STX1B: variants seen among roughly 807,000 people sequenced by gnomAD.
The protein encoded by STX1B is syntaxin 1B.
A neutral mutation model predicts 39.4 loss-of-function variants in STX1B; 7 were observed. The observed-to-expected ratio is 0.18, with a 90% CI of 0.10 to 0.33. The LOEUF is 0.33. STX1B is among the 10% of genes least tolerant of loss of function. STX1B has a pLI of 1.00. For synonymous variants in STX1B, 136 were observed against 144.1 expected, an observed-to-expected ratio of 0.94 and a Z score of 0.40; for missense variants, 198 against 383.2, an observed-to-expected ratio of 0.52 and a Z score of 4.04.
rs1190682295 is a variant in STX1B, at chr16:30,991,142, T to C, written c.*1679A>G. ...CATCTTGCCTCATCAGTAACATTCC[T>C]ACAAGTAGCCCTTTCCTTCCAGGAG... On this transcript the variant is annotated 3_prime_UTR_variant, in exon 10 of 10. Transcript: ENST00000215095. The C allele has an allele frequency of 1.3e-5, 2 of 152,714 alleles. No homozygotes were observed. The highest frequency in any genetic ancestry group is 2.9e-5 in the Non-Finnish European group (2 of 68,070). 9.5% of individuals were successfully genotyped at this position (152,714 alleles called of 1,614,324 possible).
chr16:30,996,378 T>A (rs755400358), intron 7 of STX1B: 67 of 287,120 alleles, frequency 2.3e-4, no homozygotes, highest in Non-Finnish European at 4.2e-4. Context: ...AGTGATTTCA[T>A]CTCTCTGGGC....
At position 30,993,493 on chromosome 16, in the gene STX1B, AC is replaced by A; in HGVS notation, c.538-10del. 6.2e-7 allele frequency: 1 copy of A among 1,613,020 alleles called. No homozygotes were observed. The highest frequency in any genetic ancestry group is 8.5e-7 in the Non-Finnish European group (1 of 1,179,920). ...TGTGAGTCCATTTTGATCTAGGGTG[AC>A]GAGGGAGAGAGCTACAATCACCCTT... is the stretch of plus-strand genomic sequence containing the variant. On this transcript the variant is annotated splice_polypyrimidine_tract_variant and intron_variant, in intron 7 of 9. Coordinates refer to ENST00000215095, the MANE Select transcript of STX1B (RefSeq NM_052874.5).
In STX1B at chr16:30,992,647, G is replaced by A. The variant is rs191289798; in HGVS notation, c.*174C>T. 1.7e-3 allele frequency: 885 copies of A among 517,944 alleles called. 12 individuals carry two copies. Among genetic ancestry groups the A allele is most frequent in the African/African-American group, 0.015 (727 of 49,688 alleles). The allele number at this position is 517,944 out of a possible 1,614,324, so 32.1% of individuals were successfully genotyped here. Reference sequence around the variant, plus strand: ...TGCGATCTACGTGCGGGGACGGGGGGGGGGTCCATGGCCCGGTGAGGTCCA... The same window carrying A: ...TGCGATCTACGTGCGGGGACGGGGGAGGGGTCCATGGCCCGGTGAGGTCCA... On this transcript the variant is annotated 3_prime_UTR_variant, in exon 10 of 10. Transcript: ENST00000215095.
At chr16:31,005,946 C>T (rs1229602655) in intron 1 of STX1B, among the ~76,000 whole-genome samples, 1 of 151,972 alleles carries the variant, frequency 6.6e-6, no homozygotes, top group African/African-American at 2.4e-5. Context: ...GTGTGTATGT[C>T]GATGTGGAGC....
chr16:30,992,971 G>A, intron 9 of STX1B, 70 bp from the exon 10 acceptor site: 1 of 1,424,676 alleles, frequency 7.0e-7, no homozygotes, highest in Non-Finnish European at 9.9e-7. Context: ...TGCAGGGACA[G>A]ACAGGGCAGA....
rs141761005 is a variant in STX1B, at chr16:31,005,687, G to T, written c.31-4084C>A. On this transcript the variant is annotated intron_variant, in intron 1 of 9. Coordinates refer to ENST00000215095, the MANE Select transcript of STX1B (RefSeq NM_052874.5). ...ACTGGACAGATGAGGAGGTGGAGGC[G>T]CAGAGAGATTGGGTAACTTGCCCAA... Among the ~76,000 whole-genome samples the T allele has an allele frequency of 5.5e-3, 832 of 152,186 alleles. 3 individuals carry two copies. The highest frequency in any genetic ancestry group is 8.6e-3 in the Non-Finnish European group (587 of 68,006).
chr16:30,994,075 G>A (rs1456972669), intron 7 of STX1B, among the ~76,000 whole-genome samples: 2 of 151,286 alleles, frequency 1.3e-5, no homozygotes, highest in African/African-American at 4.9e-5. Context: ...GGCAGATCAC[G>A]AGGTCAGCAG....
intron 1 of STX1B, among the ~76,000 whole-genome samples, chr16:31,005,878 G>C (rs1449979392): frequency 6.6e-6 from 1 of 152,140 alleles, no homozygotes; most frequent in East Asian, 1.9e-4. Flanking sequence ...GCTGCAGCCT[G>C]ACCTCCTCAG....
chr16:31,007,071 G>A (rs532806136), intron 1 of STX1B, among the ~76,000 whole-genome samples: 5 of 152,222 alleles, frequency 3.3e-5, no homozygotes, highest in African/African-American at 1.2e-4. Context: ...TGATTGCACC[G>A]CTGCACTCCA....
chr16:31,008,074 C>T (rs372172419), intron 1 of STX1B, among the ~76,000 whole-genome samples: 1 of 152,126 alleles, frequency 6.6e-6, no homozygotes, highest in East Asian at 1.9e-4. Flanking sequence ...GGGCTAATGT[C>T]CCCTCCCACC....
chr16:31,000,920 C>T lies in STX1B; in HGVS notation c.280+8G>A. ...TTTCCTTCCTGGTTGAGGGATTGTA[C>T]TCCTCACCTTTCAATTTGGACCGAA... On this transcript the variant is annotated splice_region_variant and intron_variant, in intron 4 of 9. Transcript: ENST00000215095. 1 of 1,613,966 alleles carries T rather than the reference C, an allele frequency of 6.2e-7. No homozygotes were observed. Among genetic ancestry groups the T allele is most frequent in the Middle Eastern group, 1.6e-4 (1 of 6,062 alleles).
intron 1 of STX1B, 22 bp downstream of exon 1, chr16:31,010,345 T>TTGGGGG (rs747331323): frequency 2.7e-6 from 1 of 368,304 alleles, no homozygotes; most frequent in Admixed American, 3.8e-5. Flanking sequence ...CGCCCCCCCA[T>TTGGGGG]TCTCCCCACC....
chr16:30,996,775 C>A lies in STX1B; in HGVS notation c.464-19G>T, dbSNP rs777879527. Reference sequence around the variant, plus strand: ...CTTCCAGCTGCGGGAAGAAAGGACTCCCTGCTCGGGGGCTGGGACAGCCTG... The same window carrying A: ...CTTCCAGCTGCGGGAAGAAAGGACTACCTGCTCGGGGGCTGGGACAGCCTG... On this transcript the variant is annotated intron_variant, in intron 6 of 9. Transcript: ENST00000215095. 2 of 1,613,614 alleles carry A rather than the reference C, an allele frequency of 1.2e-6. No homozygotes were observed. Among genetic ancestry groups the A allele is most frequent in the Non-Finnish European group, 1.7e-6 (2 of 1,179,684 alleles).
intron 1 of STX1B, among the ~76,000 whole-genome samples, chr16:31,006,689 G>A (rs927862230): frequency 6.6e-6 from 1 of 152,202 alleles, no homozygotes; most frequent in African/African-American, 2.4e-5. Flanking sequence ...GCTAGGTCCT[G>A]AAGGAGCCAA....
intron 1 of STX1B, among the ~76,000 whole-genome samples, chr16:31,007,227 G>A (rs1325819395): frequency 6.6e-6 from 1 of 152,130 alleles, no homozygotes; most frequent in Non-Finnish European, 1.5e-5. Context: ...CGTTTCTAAA[G>A]CACCTACTGT....
chr16:30,994,107 G>T (rs1188402846), intron 7 of STX1B, among the ~76,000 whole-genome samples: 1 of 151,168 alleles, frequency 6.6e-6, no homozygotes, highest in Non-Finnish European at 1.5e-5. Flanking sequence ...CCTGGCTAAT[G>T]CGGTGAAACT....
chr16:31,001,239 C>A lies in STX1B; in HGVS notation c.106-46G>T. On this transcript the variant is annotated intron_variant, in intron 2 of 9. Transcript: ENST00000215095. This position sits in a 1 kb window ranked among gnomAD's most constrained non-coding sequence, Gnocchi z 5.5. ...TACCCAGCCAAGCTGTCAGGCCAAA[C>A]AACGGGTTCCAGGGGAACCAGCCAG... is the stretch of plus-strand genomic sequence containing the variant. 2 of 1,587,356 alleles carry A rather than the reference C, an allele frequency of 1.3e-6. No individual in the cohort carries two copies. The highest frequency in any genetic ancestry group is 1.3e-5 in the African/African-American group (1 of 74,630).
At chr16:31,007,246 C>T (rs2056659328) in intron 1 of STX1B, among the ~76,000 whole-genome samples, 1 of 152,182 alleles carries the variant, frequency 6.6e-6, no homozygotes, top group African/African-American at 2.4e-5. Context: ...GTGCCTGCCT[C>T]ATACCTGAGG....
chr16:31,010,111 A>T (rs1252474122), intron 1 of STX1B, among the ~76,000 whole-genome samples: 1 of 152,012 alleles, frequency 6.6e-6, no homozygotes, highest in Non-Finnish European at 1.5e-5. Flanking sequence ...CCTCCTGGGA[A>T]TGCGGGGTGT....
Sources: gnomAD v4.1 joint callset for allele counts (sites outside exome capture counted in the v4.1 genomes callset) on GRCh38, gnomAD v4.1.1 for gene constraint, Gnocchi (gnomAD v3.1) non-coding constraint, MANE v1.5 for transcripts, NCBI Gene and HGNC (gene_info 2026-07-23, HGNC 2026-07-21) for gene names.